PANX1: variants seen among roughly 807,000 people sequenced by gnomAD.
The protein encoded by PANX1 is pannexin 1, also known as pannexin-1.
In PANX1, 30 loss-of-function variants were observed where a neutral mutation model predicts 38.7. That is an observed-to-expected ratio of 0.78 (90% CI 0.58 to 1.05). PANX1 has a LOEUF of 1.05. Among genes scored for constraint, PANX1 ranks in the 50% least tolerant of loss-of-function variants. The pLI, the probability that PANX1 is intolerant of heterozygous loss-of-function variation, is 0.00. For synonymous variants in PANX1, 230 were observed against 212.2 expected (o/e 1.08, Z -0.73); for missense variants, 551 against 517.2 (o/e 1.07, Z -0.63).
Position 94,129,658 on chromosome 11 carries a change from G to C in PANX1, c.181+165G>C, listed in dbSNP as rs539939620. The stretch of plus-strand genomic sequence containing the variant: ...TATGGTCCAAAGCGTTCTTTGCCCA[G>C]GTGTTTCATTGGTACCCTGGTCTAC... On this transcript the variant is annotated intron_variant, in intron 1 of 4. Transcript: ENST00000227638. 1.2e-4 allele frequency among the ~76,000 whole-genome samples: 18 copies of C among 152,290 alleles called. No individual in the cohort carries two copies. In the East Asian group the frequency reaches 3.3e-3, roughly 28 times the overall value.
chr11:94,166,897 C>T (rs914045592), intron 2 of PANX1, among the ~76,000 whole-genome samples: 17 of 152,106 alleles, frequency 1.1e-4, no homozygotes, highest in Non-Finnish European at 2.5e-4. Context: ...CATCCCAAGC[C>T]CACTGCTTCT....
chr11:94,157,541 A>G (rs1290201771), intron 2 of PANX1, among the ~76,000 whole-genome samples: 1 of 152,122 alleles, frequency 6.6e-6, no homozygotes, highest in African/African-American at 2.4e-5. Flanking sequence ...TCTTCTTTTG[A>G]GAAGTGTCTG....
chr11:94,170,293 A>G (rs963666799), intron 2 of PANX1, among the ~76,000 whole-genome samples: 2 of 151,676 alleles, frequency 1.3e-5, no homozygotes, highest in Non-Finnish European at 2.9e-5. Flanking sequence ...GATACCTCAT[A>G]TAAGTGAAAC....
At chr11:94,149,155 T>TG (rs1946857556) in intron 1 of PANX1, among the ~76,000 whole-genome samples, 1 of 151,968 alleles carries the variant, frequency 6.6e-6, no homozygotes, top group African/African-American at 2.4e-5. Context: ...AACAAAAAAA[T>TG]GGGGGGCGTA....
chr11:94,132,671 T>C (rs1565370984), intron 1 of PANX1, among the ~76,000 whole-genome samples: 1 of 152,192 alleles, frequency 6.6e-6, no homozygotes, highest in African/African-American at 2.4e-5. Flanking sequence ...TTTTTCCACC[T>C]GTATGATAAA....
At chr11:94,139,347 A>G (rs1308644372) in intron 1 of PANX1, among the ~76,000 whole-genome samples, 1 of 152,234 alleles carries the variant, frequency 6.6e-6, no homozygotes, top group Non-Finnish European at 1.5e-5. Context: ...ATTTCTCATA[A>G]TATATCAGAT....
At chr11:94,137,011 G>A (rs772227292) in intron 1 of PANX1, among the ~76,000 whole-genome samples, 1 of 151,734 alleles carries the variant, frequency 6.6e-6, no homozygotes, top group African/African-American at 2.4e-5. Context: ...AAGAGAGAAT[G>A]GGGGGAGGTG....
chr11:94,160,064 C>G (rs914756621), intron 2 of PANX1, among the ~76,000 whole-genome samples: 4 of 151,994 alleles, frequency 2.6e-5, no homozygotes, highest in African/African-American at 9.7e-5. Flanking sequence ...ATCCTGAATT[C>G]TAGTTTGATT....
At chr11:94,171,497 T>A (rs552523052) in intron 2 of PANX1, among the ~76,000 whole-genome samples, 1 of 151,574 alleles carries the variant, frequency 6.6e-6, no homozygotes, top group Non-Finnish European at 1.5e-5. Context: ...GCTTGAAGAC[T>A]ATATGCGGAA....
Position 94,152,472 on chromosome 11 carries a change from C to T in PANX1, c.182-1019C>T, listed in dbSNP as rs149527801. On this transcript the variant is annotated intron_variant, in intron 1 of 4. Coordinates refer to ENST00000227638, the MANE Select transcript of PANX1 (RefSeq NM_015368.4). ...CCCAGTCACTGAGCACACTCCCAGG[C>T]TGTGATGGATGTGGAAGAGAGTGTG... Among the ~76,000 whole-genome samples, 91 of 152,318 alleles carry T rather than the reference C, an allele frequency of 6.0e-4. 1 individual carries two copies. The East Asian group carries it at 0.012, about 20-fold the overall frequency.
intron 1 of PANX1, among the ~76,000 whole-genome samples, chr11:94,138,438 C>G (rs1177698391): frequency 6.6e-6 from 1 of 152,054 alleles, no homozygotes; most frequent in Non-Finnish European, 1.5e-5. Flanking sequence ...TTCTAGCTAG[C>G]CTTTATTGTA....
intron 2 of PANX1, among the ~76,000 whole-genome samples, chr11:94,156,977 T>A (rs549827631): frequency 2.0e-5 from 3 of 151,900 alleles, no homozygotes; most frequent in Admixed American, 6.6e-5. Flanking sequence ...ACATGCGGTG[T>A]TTGGTTTTTT....
chr11:94,149,407 T>C (rs1946860896), intron 1 of PANX1, among the ~76,000 whole-genome samples: 1 of 152,176 alleles, frequency 6.6e-6, no homozygotes, highest in African/African-American at 2.4e-5. Context: ...TCAAGGCACC[T>C]GGAGGAGGGT....
At chr11:94,178,230 A>T (rs1351291883) in intron 2 of PANX1, 139 bp from the exon 3 acceptor site, 3 of 650,946 alleles carry the variant, frequency 4.6e-6, no homozygotes, top group African/African-American at 3.6e-5. Flanking sequence ...TAGCCATAAG[A>T]AGTAGTTATT....
chr11:94,172,017 AAAC>A (rs1180789573), intron 2 of PANX1, among the ~76,000 whole-genome samples: 1 of 151,442 alleles, frequency 6.6e-6, no homozygotes, highest in African/African-American at 2.5e-5. Flanking sequence ...TGACTGAAAA[AAAC>A]AATAAGAAAA....
rs532185762 is a variant in PANX1 at position 94,159,933 on chromosome 11, G to T, written c.321+6303G>T. On this transcript the variant is annotated intron_variant, in intron 2 of 4. Transcript: ENST00000227638. ...AGAGATTCTGGTATGTTGTGTCTTT[G>T]TTCTCGTTGGTTTCAAAGAACATCT... Among the ~76,000 whole-genome samples the T allele has an allele frequency of 3.3e-5, 5 of 151,734 alleles. No individual in the cohort carries two copies. In the South Asian group the frequency reaches 1.0e-3, roughly 32 times the overall value.
At chr11:94,174,949 T>C (rs1947215305) in intron 2 of PANX1, among the ~76,000 whole-genome samples, 1 of 151,768 alleles carries the variant, frequency 6.6e-6, no homozygotes. Context: ...AAAATTGTAG[T>C]TGGACAGCTG....
chr11:94,156,878 C>A (rs1218847870), intron 2 of PANX1, among the ~76,000 whole-genome samples: 2 of 151,590 alleles, frequency 1.3e-5, no homozygotes, highest in Non-Finnish European at 2.9e-5. Context: ...CCTCCCCACT[C>A]CCCCCACCCA....
chr11:94,171,049 C>G (rs1247917635), intron 2 of PANX1, among the ~76,000 whole-genome samples: 1 of 151,654 alleles, frequency 6.6e-6, no homozygotes, highest in African/African-American at 2.4e-5. Context: ...TCCCCATGCC[C>G]TCCTCATTGC....
Sources: gnomAD v4.1 joint callset for allele counts (sites outside exome capture counted in the v4.1 genomes callset) on GRCh38, gnomAD v4.1.1 for gene constraint, MANE v1.5 for transcripts, NCBI Gene and HGNC (gene_info 2026-07-23, HGNC 2026-07-21) for gene names.